NAPSA: variants seen among roughly 807,000 people sequenced by gnomAD.
NAPSA encodes napsin A aspartic peptidase.
A neutral mutation model predicts 36.7 loss-of-function variants in NAPSA; 37 were observed. That is an observed-to-expected ratio of 1.01 (90% CI 0.78 to 1.33). The LOEUF (loss-of-function observed/expected upper bound fraction) is 1.33, where lower values mean the gene tolerates loss of function less well. Among genes scored for constraint, NAPSA ranks in the 40% most tolerant of loss-of-function variants. The pLI, the probability that NAPSA is intolerant of heterozygous loss-of-function variation, is 0.00. For missense variants in NAPSA, 532 were observed against 543.8 expected (o/e 0.98, Z 0.21); for synonymous variants, 222 against 234.5 (o/e 0.95, Z 0.49).
chr19:50,361,118 G>A lies in NAPSA; in HGVS notation c.491C>T (p.Ser164Leu), dbSNP rs147005283. 3 of 1,613,770 alleles carry A rather than the reference G, an allele frequency of 1.9e-6. No individual in the cohort carries two copies. In the African/African-American group the frequency reaches 4.0e-5, roughly 22 times the overall value. ...KLTIGGIKGA[S>L]VIFGEALWEP... ...CCAGAGAGCCTCCCCGAAAATCACT[G>A]ATGCACCCTTGATTCCACCAATCTA... The change falls in exon 5 of 9, where the codon TCA (serine) becomes TTA (leucine). Residue 164 changes from serine (S) to leucine (L), a missense_variant. This residue lies in a region of NAPSA where 385 missense variants were observed against 371.5 expected (regional missense o/e 1.04). Transcript: ENST00000253719.
chr19:50,362,290 G>A lies in NAPSA; in HGVS notation c.107C>T (p.Pro36Leu). Residue 36 changes from proline (P) to leucine (L), a missense_variant, in exon 2 of 9, where the codon CCT becomes CTT. Physicochemically the swap from Pro to Leu is moderately conservative, Grantham distance 98. Around this residue, in one of 3 missense-constraint regions of NAPSA, gnomAD observed 102 missense variants for 93.6 expected, o/e 1.09. Transcript: ENST00000253719. ...CAGTAGGTTCAGGATCCTGCGTCCA[G>A]GTTGGACTCGATGAAGAGGGATGCT... ...LIRIPLHRVQ[P>L]GRRILNLLRG... 1 of 1,608,892 alleles carries A rather than the reference G, an allele frequency of 6.2e-7. No homozygotes were observed. Among genetic ancestry groups the A allele is most frequent in the Non-Finnish European group, 8.5e-7 (1 of 1,177,670 alleles).
chr19:50,366,704 C>T (rs187566492), upstream of NAPSA, among the ~76,000 whole-genome samples: 86 of 151,314 alleles, frequency 5.7e-4, no homozygotes, highest in Admixed American at 9.2e-4. Context: ...GAGTTTTGCT[C>T]TTGTTGCCCA....
At chr19:50,364,104 A>AG (rs2037510173) in intron 1 of NAPSA, among the ~76,000 whole-genome samples, 4 of 140,338 alleles carry the variant, frequency 2.9e-5, no homozygotes, top group South Asian at 4.6e-4. Flanking sequence ...CAGATCACGA[A>AG]GTCAGGAGTT....
intron 3 of NAPSA, 59 bp downstream of exon 3, chr19:50,361,910 C>A: frequency 6.3e-7 from 1 of 1,595,916 alleles, no homozygotes; most frequent in Non-Finnish European, 8.5e-7. Flanking sequence ...AAGCTGAGGT[C>A]CAGCCCCGCC....
chr19:50,366,414 T>A (rs2037550247), upstream of NAPSA, among the ~76,000 whole-genome samples: 2 of 151,782 alleles, frequency 1.3e-5, no homozygotes, highest in South Asian at 2.1e-4. Flanking sequence ...CTCAATTATT[T>A]CAATCTCTTT....
At chr19:50,361,241 T>G in intron 4 of NAPSA, 101 bp from the exon 5 acceptor site, 1 of 1,006,736 alleles carries the variant, frequency 9.9e-7, no homozygotes, top group Non-Finnish European at 1.5e-6. Context: ...TCTGGGGACT[T>G]CTGGATGCAA....
At chr19:50,367,831 A>G (rs1369818477), upstream of NAPSA, among the ~76,000 whole-genome samples, 1 of 152,102 alleles carries the variant, frequency 6.6e-6, no homozygotes, top group African/African-American at 2.4e-5. Context: ...GGGTCCAGAG[A>G]TACAGTCAGT....
At position 50,359,075 on chromosome 19, in the gene NAPSA, G is replaced by T. The variant is rs1341720441; in HGVS notation, c.971C>A (p.Pro324His). 1 of 1,613,936 alleles carries T rather than the reference G, an allele frequency of 6.2e-7. No individual in the cohort carries two copies. Among genetic ancestry groups the T allele is most frequent in the Non-Finnish European group, 8.5e-7 (1 of 1,179,980 alleles). Residue 324 changes from proline to histidine, a missense_variant, in exon 8 of 9, where the codon CCC (proline) becomes CAC (histidine). Pro to His is a moderately conservative substitution (Grantham distance 77). Transcript: ENST00000253719. ...CCCCCCAAGAAGGAAGGAGACTGCGGGGAGCTTTGGGATTTCCGAGCACAG... is the reference window on the plus strand; with the variant it reads ...CCCCCCAAGAAGGAAGGAGACTGCGTGGAGCTTTGGGATTTCCGAGCACAG... ...IILCSEIPKLPAVSFLLGGVW... is the reference protein window; with the variant it reads ...IILCSEIPKLHAVSFLLGGVW...
rs370007733 is a variant in NAPSA, at chr19:50,365,570, T to C, written c.52A>G (p.Asn18Asp). The C allele has an allele frequency of 1.5e-5, 25 of 1,613,578 alleles. No individual in the cohort carries two copies. Among genetic ancestry groups the C allele is most frequent in the Non-Finnish European group, 2.1e-5 (25 of 1,179,894 alleles). Residue 18 changes from asparagine to aspartate, a missense_variant, in exon 1 of 9, where the codon AAT (asparagine) becomes GAT (aspartate). By Grantham distance (23) the Asn-to-Asp change is conservative. This residue lies in a region of NAPSA where 102 missense variants were observed against 93.6 expected (regional missense o/e 1.09). Coordinates refer to ENST00000253719, the MANE Select transcript of NAPSA (RefSeq NM_004851.3). ...QPLLLLLPLL[N>D]VEPSGATLIR... is the part of the protein sequence containing the mutation. ...AGTGTGGCCCCGGAAGGCTCCACATTCAGCAGAGGCAGCAGCAGCAGCAGG... is the reference window on the plus strand; with the variant it reads ...AGTGTGGCCCCGGAAGGCTCCACATCCAGCAGAGGCAGCAGCAGCAGCAGG...
Position 50,364,272 on chromosome 19 carries a change from G to A in NAPSA, c.83+1267C>T, listed in dbSNP as rs570288750. ...GGAGGTTGCAGTGAGCTGAGATCGC[G>A]CCATTGCACTCCAGCCTGGGCGACA... On this transcript the variant is annotated intron_variant, in intron 1 of 8. Coordinates refer to ENST00000253719, the MANE Select transcript of NAPSA (RefSeq NM_004851.3). Among the ~76,000 whole-genome samples the A allele has an allele frequency of 7.9e-4, 107 of 135,070 alleles. 1 individual carries two copies. Among genetic ancestry groups the A allele is most frequent in the African/African-American group, 2.9e-3 (105 of 35,734 alleles). 88.6% of individuals were successfully genotyped at this position (135,070 alleles called of 152,430 possible). A position where few individuals can be genotyped will look rare whatever the true frequency, so the allele number is the denominator to read the frequency against.
intron 1 of NAPSA, among the ~76,000 whole-genome samples, chr19:50,365,011 AAATAATAATAAT>A (rs112903812): frequency 1.4e-5 from 2 of 140,632 alleles, no homozygotes; most frequent in South Asian, 2.2e-4. Context: ...TAATAATAAT[AAATAATAATAAT>A]AATAATAATA....
intron 4 of NAPSA, 87 bp downstream of exon 4, chr19:50,361,576 C>T: frequency 1.7e-6 from 2 of 1,169,580 alleles, no homozygotes; most frequent in Non-Finnish European, 2.5e-6. Flanking sequence ...TTGGGAAGCT[C>T]CTCCTCGAGC....
At chr19:50,365,901 C>G (rs933013230), upstream of NAPSA, 7 of 317,874 alleles carry the variant, frequency 2.2e-5, no homozygotes, top group Non-Finnish European at 2.9e-5. Flanking sequence ...TCCCACCCCC[C>G]CATCCTTCAG....
intron 4 of NAPSA, chr19:50,361,363 G>T: frequency 1.8e-6 from 1 of 556,440 alleles, no homozygotes; most frequent in Non-Finnish European, 3.1e-6. Flanking sequence ...CTCCTCCCCT[G>T]CTTGAGAAGC....
At chr19:50,360,871 G>A in intron 5 of NAPSA, 70 bp downstream of exon 5, 3 of 1,447,418 alleles carry the variant, frequency 2.1e-6, no homozygotes, top group Non-Finnish European at 2.8e-6. Flanking sequence ...TTGGGTCAGT[G>A]ACTTCCTGAA....
At chr19:50,360,565 T>A (rs1236456699) in intron 5 of NAPSA, among the ~76,000 whole-genome samples, 1 of 152,212 alleles carries the variant, frequency 6.6e-6, no homozygotes, top group Non-Finnish European at 1.5e-5. Context: ...CTGGTCAGTG[T>A]TCTCAAATGG....
At position 50,358,778 on chromosome 19, in the gene NAPSA, A is replaced by G. The variant is rs1212911585; in HGVS notation, c.1038T>C (p.Thr346=). 5 of 1,610,146 alleles carry G rather than the reference A, an allele frequency of 3.1e-6. No individual in the cohort carries two copies. Among genetic ancestry groups the G allele is most frequent in the African/African-American group, 1.3e-5 (1 of 74,832 alleles). The stretch of plus-strand genomic sequence containing the variant: ...AGCAGAGGCGGACGCCATTTCGAGT[A>G]GTCTGCAAGGCAACAAGACGACAAC... The part of the protein sequence containing the change: ...NLTAHDYVIQ[T]TRNGVRLCLS... The change falls in exon 9 of 9, where the codon ACT becomes ACC. Residue 346 remains threonine, a splice_region_variant and synonymous_variant. Transcript: ENST00000253719.
At position 50,359,756 on chromosome 19, in the gene NAPSA, G is replaced by A; in HGVS notation, c.775C>T (p.Gln259Ter). 1 of 1,614,242 alleles carries A rather than the reference G, an allele frequency of 6.2e-7. No individual in the cohort carries two copies. The highest frequency in any genetic ancestry group is 8.5e-7 in the Non-Finnish European group (1 of 1,180,052). ...GTCCCTCACCGCTCCATGTGGATCT[G>A]CCAGTAGGCAGGGACCGTGACTGGC... ...FVPVTVPAYW[Q>*]IHMERVKVGP... Residue 259 changes from glutamine to a stop codon, truncating the protein, a stop_gained, in exon 6 of 9, where the codon CAG (glutamine) becomes TAG (stop). Transcript: ENST00000253719. LOFTEE classifies it high-confidence loss of function.
chr19:50,364,289 T>C (rs1601128151), intron 1 of NAPSA, among the ~76,000 whole-genome samples: 1 of 112,332 alleles, frequency 8.9e-6, no homozygotes, highest in African/African-American at 3.6e-5. Context: ...CACTCCAGCC[T>C]GGGCGACAGG....
Sources: allele counts gnomAD v4.1 joint callset (sites outside exome capture counted in the v4.1 genomes callset), GRCh38; gene constraint gnomAD v4.1.1; regional missense constraint gnomAD v4.1.1; transcripts MANE v1.5; gene names NCBI Gene and HGNC (gene_info 2026-07-23, HGNC 2026-07-21).